TRIM5: variants seen among roughly 807,000 people sequenced by gnomAD.
TRIM5 encodes tripartite motif-containing protein 5.
TRIM5 carries 31 observed loss-of-function variants against 35.6 expected under a neutral mutation model. That is an observed-to-expected ratio of 0.87 (90% CI 0.65 to 1.18). The LOEUF (loss-of-function observed/expected upper bound fraction) is 1.18, where lower values mean the gene tolerates loss of function less well. Ranked by LOEUF, TRIM5 falls within the 50% of genes most tolerant of loss-of-function variation. The probability of loss-of-function intolerance (pLI) is 0.00; values close to 1 mark genes in which losing one functional copy is unlikely to be tolerated. For synonymous variants in TRIM5, 243 were observed against 215.6 expected (o/e 1.13, Z -1.11); for missense variants, 609 against 591.6 (o/e 1.03, Z -0.31).
chr11:5,601,739 T>A, the TRIM5 span, among the ~76,000 whole-genome samples: 38 of 152,076 alleles, frequency 2.5e-4, no homozygotes, highest in Middle Eastern at 0.02. Flanking sequence ...GCCTGGGCGA[T>A]AGAGCAAGAC....
At chr11:5,681,511 A>T (rs1189323454) in intron 1 of TRIM5, among the ~76,000 whole-genome samples, 1 of 152,184 alleles carries the variant, frequency 6.6e-6, no homozygotes, top group East Asian at 1.9e-4. Context: ...CAGTAAATTT[A>T]CCTAATCTAG....
At chr11:5,634,647 A>G in the TRIM5 span, 2 of 1,613,210 alleles carry the variant, frequency 1.2e-6, no homozygotes, top group Non-Finnish European at 1.7e-6. Context: ...GTACAAACTG[A>G]GAGACAAAGG....
At chr11:5,644,125 C>T in the TRIM5 span, 1 of 401,276 alleles carries the variant, frequency 2.5e-6, no homozygotes. Context: ...TCAGGATACC[C>T]CAGGTACATC....
At chr11:5,626,175 A>T in the TRIM5 span, among the ~76,000 whole-genome samples, 1 of 152,216 alleles carries the variant, frequency 6.6e-6, no homozygotes, top group Non-Finnish European at 1.5e-5. Context: ...CAGGCACAAG[A>T]CCCAACATAT....
intron 5 of TRIM5, 193 bp from the exon 6 acceptor site, chr11:5,666,274 C>A (rs1413203475): frequency 4.5e-6 from 3 of 665,978 alleles, no homozygotes; most frequent in Non-Finnish European, 8.2e-6. Context: ...CACTTACTTT[C>A]TGTGAGAACG....
At chr11:5,613,688 G>A in the TRIM5 span, among the ~76,000 whole-genome samples, 1 of 152,138 alleles carries the variant, frequency 6.6e-6, no homozygotes, top group Non-Finnish European at 1.5e-5. Context: ...GCTCTCTTCT[G>A]TAAACTCATT....
intron 1 of TRIM5, among the ~76,000 whole-genome samples, chr11:5,681,487 T>G (rs1199208303): frequency 6.6e-6 from 1 of 152,212 alleles, no homozygotes; most frequent in African/African-American, 2.4e-5. Flanking sequence ...TTTTAAGACC[T>G]TCCTCTGGTG....
At chr11:5,660,988 GC>G (rs1302481526), downstream of TRIM5, among the ~76,000 whole-genome samples, 3 of 137,658 alleles carry the variant, frequency 2.2e-5, no homozygotes, top group Non-Finnish European at 3.1e-5. Flanking sequence ...GTTGCAGTGA[GC>G]CGAAATCGCG....
the TRIM5 span, among the ~76,000 whole-genome samples, chr11:5,591,414 C>G: frequency 6.6e-6 from 1 of 152,036 alleles, no homozygotes; most frequent in Non-Finnish European, 1.5e-5. Flanking sequence ...TTTGGGAGGC[C>G]GAGGCGGGCA....
chr11:5,660,079 C>T (rs1248410948), downstream of TRIM5, among the ~76,000 whole-genome samples: 1 of 151,956 alleles, frequency 6.6e-6, no homozygotes, highest in Non-Finnish European at 1.5e-5. Flanking sequence ...TGGGTTCAAG[C>T]GATTCTCCTG....
chr11:5,614,798 A>G, the TRIM5 span, among the ~76,000 whole-genome samples: 26 of 152,188 alleles, frequency 1.7e-4, no homozygotes, highest in Non-Finnish European at 3.4e-4. Flanking sequence ...CTGTCTTAAC[A>G]TTATTATTGT....
chr11:5,682,987 G>A lies in TRIM5; in HGVS notation c.-62+1881C>T, dbSNP rs1231478404. Among the ~76,000 whole-genome samples the A allele has an allele frequency of 4.6e-5, 7 of 152,330 alleles. No homozygotes were observed. In the East Asian group the frequency reaches 1.4e-3, roughly 29 times the overall value. ...GGAACCGGGGCTGCGCGCCGCGCTT[G>A]TGGGCCAGCTGGAGTTCCGGGTGGG... On this transcript the variant is annotated intron_variant, in intron 1 of 7. Coordinates refer to ENST00000380034, the MANE Select transcript of TRIM5 (RefSeq NM_033034.3).
intron 4 of TRIM5, among the ~76,000 whole-genome samples, chr11:5,671,799 T>C (rs1851608550): frequency 8.5e-6 from 1 of 117,126 alleles, no homozygotes; most frequent in Non-Finnish European, 1.8e-5. Flanking sequence ...CATTTTCAAG[T>C]AGAAAAAAAT....
At chr11:5,614,673 A>G in the TRIM5 span, among the ~76,000 whole-genome samples, 3 of 152,206 alleles carry the variant, frequency 2.0e-5, no homozygotes, top group African/African-American at 4.8e-5. Flanking sequence ...TATTGTCACT[A>G]AAGTTCTAGA....
At chr11:5,630,507 G>C in the TRIM5 span, among the ~76,000 whole-genome samples, 4 of 152,158 alleles carry the variant, frequency 2.6e-5, no homozygotes, top group African/African-American at 4.8e-5. Context: ...AAGGCCTAGG[G>C]CTTTTTGCAT....
At chr11:5,645,658 AT>A in the TRIM5 span, 28 of 158,746 alleles carry the variant, frequency 1.8e-4, no homozygotes, top group Admixed American at 1.3e-4. Context: ...CAGTTCTACA[AT>A]CAGGAAGAAA....
chr11:5,596,522 C>CTCCCCTT, the TRIM5 span: 1 of 29,220 alleles, frequency 3.4e-5, no homozygotes, highest in Non-Finnish European at 7.6e-5. Context: ...TTCTCCCCTT[C>CTCCCCTT]CCCCCTTCCC....
At chr11:5,596,344 A>G in the TRIM5 span, among the ~76,000 whole-genome samples, 1 of 152,068 alleles carries the variant, frequency 6.6e-6, no homozygotes, top group African/African-American at 2.4e-5. Flanking sequence ...GGGAGCACAG[A>G]AGAGGCACCT....
At chr11:5,681,058 C>T (rs1397094490) in intron 1 of TRIM5, among the ~76,000 whole-genome samples, 1 of 152,114 alleles carries the variant, frequency 6.6e-6, no homozygotes, top group Non-Finnish European at 1.5e-5. Flanking sequence ...TGAAAGTTTG[C>T]CAAGGACATT....
Sources: allele counts gnomAD v4.1 joint callset (sites outside exome capture counted in the v4.1 genomes callset), GRCh38; gene constraint gnomAD v4.1.1; transcripts MANE v1.5; gene names NCBI Gene and HGNC (gene_info 2026-07-23, HGNC 2026-07-21).